GSR: variants seen among roughly 807,000 people sequenced by gnomAD.
The protein encoded by GSR is glutathione reductase, mitochondrial.
Under a neutral mutation model 56.5 loss-of-function variants are expected in GSR, and 48 were observed. The ratio of observed to expected loss-of-function variants is 0.85; its 90% CI spans 0.67 to 1.08. The LOEUF (loss-of-function observed/expected upper bound fraction) is 1.08. Among genes scored for constraint, GSR ranks in the 50% least tolerant of loss-of-function variants. The pLI, the probability that GSR is intolerant of heterozygous loss-of-function variation, is 0.00. For synonymous variants in GSR, 264 were observed against 270.8 expected, an observed-to-expected ratio of 0.97 and a Z score of 0.25; for missense variants, 694 against 703.3, an observed-to-expected ratio of 0.99 and a Z score of 0.15.
At chr8:30,683,129 T>A (rs187972523) in intron 10 of GSR, among the ~76,000 whole-genome samples, 46 of 152,202 alleles carry the variant, frequency 3.0e-4, no homozygotes, top group African/African-American at 1.1e-3. Context: ...CCCAGCTGAA[T>A]CTTTATTTTT....
At chr8:30,696,304 A>C (rs1803538748) in intron 7 of GSR, 76 bp downstream of exon 7, 1 of 1,023,278 alleles carries the variant, frequency 9.8e-7, no homozygotes. Flanking sequence ...CCTAGTATTT[A>C]ACGACAACAT....
At chr8:30,725,508 C>T (rs919875492) in intron 1 of GSR, among the ~76,000 whole-genome samples, 5 of 151,280 alleles carry the variant, frequency 3.3e-5, no homozygotes, top group Admixed American at 6.6e-5. Flanking sequence ...TGCAGTGAGC[C>T]GAGATTGCAC....
chr8:30,722,039 G>A (rs1804557567), intron 1 of GSR, among the ~76,000 whole-genome samples: 1 of 151,952 alleles, frequency 6.6e-6, no homozygotes, highest in Non-Finnish European at 1.5e-5. Context: ...CATTCTCTGT[G>A]GTTACTTTTC....
chr8:30,696,749 G>A (rs2978303), intron 6 of GSR, among the ~76,000 whole-genome samples: 6,600 of 152,230 alleles, frequency 0.043, 295 homozygotes, highest in African/African-American at 0.11. Flanking sequence ...AGGCTGGAGT[G>A]TAGTGGTGTG....
chr8:30,723,959 T>C (rs1563547894), intron 1 of GSR, among the ~76,000 whole-genome samples: 1 of 152,204 alleles, frequency 6.6e-6, no homozygotes, highest in Non-Finnish European at 1.5e-5. Flanking sequence ...AAATGACCAC[T>C]GCTAGACACA....
intron 12 of GSR, 151 bp downstream of exon 12, chr8:30,680,753 C>A: frequency 2.7e-6 from 2 of 747,438 alleles, no homozygotes; most frequent in Admixed American, 2.0e-5. Context: ...TATGAAGAAC[C>A]CCAAAATGCA....
Position 30,727,766 on chromosome 8 carries a change from G to A in GSR, c.70C>T (p.Arg24Ter), listed in dbSNP as rs370567774. 3.6e-6 allele frequency: 5 copies of A among 1,371,790 alleles called. No homozygotes were observed. The highest frequency in any genetic ancestry group is 1.7e-5 in the South Asian group (1 of 60,226). 85.0% of individuals were successfully genotyped at this position (1,371,790 alleles called of 1,614,324 possible). A position where few individuals can be genotyped will look rare whatever the true frequency, so the allele number is the denominator to read the frequency against. Residue 24 changes from arginine to a stop codon, truncating the protein, a stop_gained, in exon 1 of 13, where the codon CGA (arginine) becomes TGA (stop). Coordinates refer to ENST00000221130, the MANE Select transcript of GSR (RefSeq NM_000637.5). LOFTEE classifies it high-confidence loss of function. ...TCGGGCAGAAGCAGCAGGAAGCCTC[G>A]GAAGGCGCGCGCCGCCCGCCGCCAG... ...PSWRRAARAFRGFLLLLPEPA... is the reference protein window; with the variant it reads ...PSWRRAARAF
intron 1 of GSR, among the ~76,000 whole-genome samples, chr8:30,716,309 G>A (rs1804332059): frequency 6.6e-6 from 1 of 152,222 alleles, no homozygotes; most frequent in South Asian, 2.1e-4. Context: ...TTGTGGCCTT[G>A]TTGGGCCAGA....
intron 8 of GSR, 61 bp downstream of exon 8, chr8:30,692,908 G>T (rs1803435855): frequency 9.8e-7 from 1 of 1,020,214 alleles, no homozygotes; most frequent in South Asian, 1.3e-5. Context: ...ACTGGGCGAA[G>T]CCACAAGCAG....
chr8:30,695,287 G>A (rs1037477362), intron 7 of GSR, among the ~76,000 whole-genome samples: 1 of 152,110 alleles, frequency 6.6e-6, no homozygotes, highest in Non-Finnish European at 1.5e-5. Context: ...CCAGGCTGGA[G>A]TGCAGTGGTG....
At chr8:30,696,247 CA>C (rs1803537286) in intron 7 of GSR, 132 bp downstream of exon 7, 2 of 746,628 alleles carry the variant, frequency 2.7e-6, no homozygotes, top group Non-Finnish European at 4.9e-6. Context: ...AACTTGGATA[CA>C]GCACCATATG....
At chr8:30,687,035 C>G (rs929235279) in intron 9 of GSR, among the ~76,000 whole-genome samples, 1 of 151,778 alleles carries the variant, frequency 6.6e-6, no homozygotes, top group Non-Finnish European at 1.5e-5. Context: ...CGGCATTTCA[C>G]CACGTTGCCC....
intron 1 of GSR, among the ~76,000 whole-genome samples, chr8:30,722,142 A>G (rs1378628292): frequency 1.3e-5 from 2 of 152,226 alleles, no homozygotes; most frequent in African/African-American, 2.4e-5. Context: ...TTTGAGGCAG[A>G]TGGCAAAGCA....
intron 10 of GSR, 49 bp from the exon 11 acceptor site, chr8:30,682,110 A>T (rs1337972131): frequency 6.7e-7 from 1 of 1,489,214 alleles, no homozygotes; most frequent in Admixed American, 1.7e-5. Flanking sequence ...CTGTTTTAAC[A>T]TAGCTAAATT....
intron 1 of GSR, among the ~76,000 whole-genome samples, chr8:30,720,178 A>G (rs893814997): frequency 6.6e-6 from 1 of 151,990 alleles, no homozygotes; most frequent in South Asian, 2.1e-4. Context: ...GCACCACTGC[A>G]CTCCAGCCTG....
At chr8:30,721,228 C>G (rs1181200141) in intron 1 of GSR, among the ~76,000 whole-genome samples, 1 of 152,164 alleles carries the variant, frequency 6.6e-6, no homozygotes, top group Non-Finnish European at 1.5e-5. Flanking sequence ...TCCCGTCCCC[C>G]AAAAAGAAAA....
Position 30,700,050 on chromosome 8 carries a change from G to C in GSR, c.695+31C>G, listed in dbSNP as rs764436015. On this transcript the variant is annotated intron_variant, in intron 6 of 12. Transcript: ENST00000221130. ...TTACCAGGAGACAGTAAGGAAGAAT[G>C]AGTCACTGAGGTCAGGTCAGGTTGG... The C allele has an allele frequency of 3.3e-6, 5 of 1,538,020 alleles. No individual in the cohort carries two copies. The African/African-American group carries it at 6.8e-5, about 21-fold the overall frequency.
chr8:30,727,795 G>C lies in GSR; in HGVS notation c.41C>G (p.Pro14Arg), dbSNP rs192256606. 4 of 1,321,026 alleles carry C rather than the reference G, an allele frequency of 3.0e-6. No individual in the cohort carries two copies. The African/African-American group carries it at 4.6e-5, about 15-fold the overall frequency. 81.8% of individuals were successfully genotyped at this position (1,321,026 alleles called of 1,614,324 possible). ...LPRALSAGAG[P>R]SWRRAARAFR... ...GGCGCGCGCCGCCCGCCGCCAGCTCGGTCCCGCGCCGGCGCTCAGGGCTCG... is the reference window on the plus strand; with the variant it reads ...GGCGCGCGCCGCCCGCCGCCAGCTCCGTCCCGCGCCGGCGCTCAGGGCTCG... The change falls in exon 1 of 13, where the codon CCG (proline) becomes CGG (arginine). Residue 14 changes from proline to arginine, a missense_variant. Pro to Arg is a moderately radical substitution (Grantham distance 103). Coordinates refer to ENST00000221130, the MANE Select transcript of GSR (RefSeq NM_000637.5).
chr8:30,687,224 T>C (rs2128739115), intron 9 of GSR, among the ~76,000 whole-genome samples: 1 of 152,310 alleles, frequency 6.6e-6, no homozygotes, highest in Admixed American at 6.5e-5. Flanking sequence ...TCTCCCTGAA[T>C]ATTTTATAAG....
Sources: allele counts gnomAD v4.1 joint callset (sites outside exome capture counted in the v4.1 genomes callset), GRCh38; gene constraint gnomAD v4.1.1; transcripts MANE v1.5; gene names NCBI Gene and HGNC (gene_info 2026-07-23, HGNC 2026-07-21).